TCEANC2: variants seen among roughly 807,000 people sequenced by gnomAD.
TCEANC2 encodes transcription elongation factor A N-terminal and central domain containing 2.
A neutral mutation model predicts 22.8 loss-of-function variants in TCEANC2; 20 were observed. That is an observed-to-expected ratio of 0.88 (90% CI 0.62 to 1.28). The LOEUF (loss-of-function observed/expected upper bound fraction) is 1.28, where lower values mean the gene tolerates loss of function less well. Ranked by LOEUF, TCEANC2 falls within the 50% of genes most tolerant of loss-of-function variation. TCEANC2 has a pLI of 0.00. For synonymous variants in TCEANC2, 84 were observed against 95.5 expected, an observed-to-expected ratio of 0.88 and a Z score of 0.70; for missense variants, 251 against 249.7, an observed-to-expected ratio of 1.01 and a Z score of -0.03.
intron 3 of TCEANC2, among the ~76,000 whole-genome samples, chr1:54,085,506 CT>C (rs1286007466): frequency 6.6e-6 from 1 of 151,908 alleles, no homozygotes; most frequent in Non-Finnish European, 1.5e-5. Context: ...TATCCATTTT[CT>C]TTTTTGGTGT....
At chr1:54,076,355 A>G (rs897279883) in intron 3 of TCEANC2, among the ~76,000 whole-genome samples, 2 of 152,128 alleles carry the variant, frequency 1.3e-5, no homozygotes, top group Admixed American at 6.5e-5. Context: ...AACATGCAGT[A>G]TTTGGTTTTC....
chr1:54,061,851 A>G (rs1055336132), intron 2 of TCEANC2, among the ~76,000 whole-genome samples: 8 of 152,266 alleles, frequency 5.3e-5, no homozygotes, highest in Non-Finnish European at 1.5e-5. Context: ...ATATATTACA[A>G]GTAATTTTGC....
chr1:54,111,813 G>C (rs1658844828), exon 5 of TCEANC2: 1 of 152,258 alleles, frequency 6.6e-6, no homozygotes, highest in South Asian at 2.1e-4. Context: ...GGACCGATTG[G>C]ATGGGCATTC....
chr1:54,095,075 T>A (rs898473633), intron 4 of TCEANC2, among the ~76,000 whole-genome samples: 12 of 152,124 alleles, frequency 7.9e-5, no homozygotes, highest in African/African-American at 2.4e-4. Flanking sequence ...AGCCCATGAG[T>A]TTGAGCCTGC....
chr1:54,055,045 T>C (rs1334960529), intron 2 of TCEANC2, among the ~76,000 whole-genome samples: 1 of 152,216 alleles, frequency 6.6e-6, no homozygotes, highest in African/African-American at 2.4e-5. Flanking sequence ...TGGCACGATC[T>C]TGACTCACTG....
At position 54,055,988 on chromosome 1, in the gene TCEANC2, G is replaced by A. The variant is rs564963881; in HGVS notation, c.102+1464G>A. Among the ~76,000 whole-genome samples the A allele has an allele frequency of 6.6e-5, 10 of 152,274 alleles. No homozygotes were observed. The South Asian group carries it at 1.9e-3, about 28-fold the overall frequency. On this transcript the variant is annotated intron_variant, in intron 2 of 4. Transcript: ENST00000234827. ...GGATACTTAGCATCCCTGGCTCTCAGGCACTTAATGCCAATGGCACCTCCC... is the reference window on the plus strand; with the variant it reads ...GGATACTTAGCATCCCTGGCTCTCAAGCACTTAATGCCAATGGCACCTCCC...
intron 3 of TCEANC2, among the ~76,000 whole-genome samples, chr1:54,082,291 A>G (rs967112597): frequency 3.9e-5 from 6 of 152,122 alleles, no homozygotes; most frequent in African/African-American, 1.4e-4. Context: ...TTTTCTCAGC[A>G]CCTTTGGATT....
intron 3 of TCEANC2, among the ~76,000 whole-genome samples, chr1:54,071,021 T>C (rs1408000348): frequency 6.6e-6 from 1 of 152,124 alleles, no homozygotes; most frequent in African/African-American, 2.4e-5. Context: ...GTGAGCTGTA[T>C]AGAAGGTGGA....
At chr1:54,064,273 T>G (rs1460984359) in intron 2 of TCEANC2, among the ~76,000 whole-genome samples, 1 of 152,166 alleles carries the variant, frequency 6.6e-6, no homozygotes, top group Non-Finnish European at 1.5e-5. Context: ...TTGTTATTGG[T>G]GGAGGGTGTC....
At chr1:54,088,556 A>G in intron 3 of TCEANC2, 41 bp from the exon 4 acceptor site, 1 of 1,534,844 alleles carries the variant, frequency 6.5e-7, no homozygotes. Context: ...TCAGAAGAAG[A>G]TGTAACAACC....
chr1:54,072,336 T>C (rs989360645), intron 3 of TCEANC2, among the ~76,000 whole-genome samples: 1 of 152,146 alleles, frequency 6.6e-6, no homozygotes, highest in Non-Finnish European at 1.5e-5. Context: ...ATTTAGCCCA[T>C]TTGTTCTTTA....
downstream of TCEANC2, among the ~76,000 whole-genome samples, chr1:54,109,987 C>T (rs1209910788): frequency 6.6e-6 from 1 of 152,188 alleles, no homozygotes; most frequent in Non-Finnish European, 1.5e-5. Flanking sequence ...GCCACAGGGG[C>T]CTCCAGACCA....
At chr1:54,066,473 C>A (rs1392826248) in intron 2 of TCEANC2, among the ~76,000 whole-genome samples, 1 of 151,734 alleles carries the variant, frequency 6.6e-6, no homozygotes, top group African/African-American at 2.4e-5. Flanking sequence ...GTGTAATGAC[C>A]CAGAGAAGTT....
intron 3 of TCEANC2, among the ~76,000 whole-genome samples, chr1:54,082,344 G>A (rs1395447564): frequency 6.6e-6 from 1 of 152,146 alleles, no homozygotes; most frequent in African/African-American, 2.4e-5. Flanking sequence ...TTGCAGTTGT[G>A]TGATTTTCCT....
intron 2 of TCEANC2, among the ~76,000 whole-genome samples, chr1:54,066,298 T>C (rs547671702): frequency 6.6e-6 from 1 of 151,552 alleles, no homozygotes; most frequent in South Asian, 2.1e-4. Context: ...AAGAAAACTG[T>C]TAAAAAGAAG....
At chr1:54,085,256 C>G (rs1658317487) in intron 3 of TCEANC2, among the ~76,000 whole-genome samples, 1 of 152,176 alleles carries the variant, frequency 6.6e-6, no homozygotes, top group African/African-American at 2.4e-5. Flanking sequence ...CCCTACATGA[C>G]TAGTGCCCAG....
At position 54,101,791 on chromosome 1, in the gene TCEANC2, G is replaced by T. The variant is rs1014832383; in HGVS notation, c.*5318G>T. ...CCCAAGTGTCTGGGACCATAGGTAT[G>T]TGCCATCATACCTGGCTGATTTTTT... On this transcript the variant is annotated 3_prime_UTR_variant, in exon 5 of 5. Coordinates refer to ENST00000234827, the MANE Select transcript of TCEANC2 (RefSeq NM_153035.3). 3.9e-5 allele frequency: 6 copies of T among 152,076 alleles called. No homozygotes were observed. Among genetic ancestry groups the T allele is most frequent in the Admixed American group, 6.6e-5 (1 of 15,264 alleles). 9.4% of individuals were successfully genotyped at this position (152,076 alleles called of 1,614,324 possible). A position where few individuals can be genotyped will look rare whatever the true frequency, so the allele number is the denominator to read the frequency against.
chr1:54,082,190 G>T (rs1330637233), intron 3 of TCEANC2, among the ~76,000 whole-genome samples: 1 of 152,150 alleles, frequency 6.6e-6, no homozygotes. Context: ...TTAAGTCATT[G>T]TTATAAAAAT....
At chr1:54,063,192 T>G (rs139088461) in intron 2 of TCEANC2, among the ~76,000 whole-genome samples, 1 of 152,162 alleles carries the variant, frequency 6.6e-6, no homozygotes, top group Non-Finnish European at 1.5e-5. Context: ...GGAGCTAGAA[T>G]TGATCTCCTA....
Sources: gnomAD v4.1 joint callset for allele counts (sites outside exome capture counted in the v4.1 genomes callset) on GRCh38, gnomAD v4.1.1 for gene constraint, MANE v1.5 for transcripts, NCBI Gene and HGNC (gene_info 2026-07-23, HGNC 2026-07-21) for gene names.